BTD: variants seen among roughly 807,000 people sequenced by gnomAD.
BTD encodes biotinidase.
A neutral mutation model predicts 17.7 loss-of-function variants in BTD; 13 were observed. The ratio of observed to expected loss-of-function variants is 0.74; its 90% CI spans 0.48 to 1.17. The LOEUF (loss-of-function observed/expected upper bound fraction) is 1.17, where lower values mean the gene tolerates loss of function less well. Ranked by LOEUF, BTD falls within the 50% of genes most tolerant of loss-of-function variation. The pLI is 0.00. For synonymous variants in BTD, 240 were observed against 245.2 expected, an observed-to-expected ratio of 0.98 and a Z score of 0.20; for missense variants, 674 against 650.4, an observed-to-expected ratio of 1.04 and a Z score of -0.39.
intron 3 of BTD, chr3:15,708,116 T>A: frequency 6.5e-7 from 1 of 1,545,480 alleles, no homozygotes; most frequent in Non-Finnish European, 8.8e-7. Flanking sequence ...ACATAACTAG[T>A]AAACAAAAGC....
In BTD at chr3:15,649,282, C is replaced by G. The variant is rs769176616; in HGVS notation, c.*3794C>G. On this transcript the variant is annotated 3_prime_UTR_variant, in exon 4 of 4. Coordinates refer to ENST00000643237, the MANE Select transcript of BTD (RefSeq NM_001370658.1). The stretch of plus-strand genomic sequence containing the variant: ...CTGGCTTCCCCTGAAGCAAATGATC[C>G]AAGAGAGCACAGGTGGAGCCATGAT... Among the ~76,000 whole-genome samples the G allele has an allele frequency of 6.6e-6, 1 of 152,186 alleles. No homozygotes were observed. Among genetic ancestry groups the G allele is most frequent in the Non-Finnish European group, 1.5e-5 (1 of 68,034 alleles).
At chr3:15,605,188 G>A (rs1362707908) in intron 1 of BTD, among the ~76,000 whole-genome samples, 1 of 152,224 alleles carries the variant, frequency 6.6e-6, no homozygotes, top group East Asian at 1.9e-4. Context: ...AGAAAAAGAG[G>A]TTTAATAGAT....
chr3:15,697,365 G>GT (rs2069771020), intron 3 of BTD: 1 of 152,006 alleles, frequency 6.6e-6, no homozygotes, highest in Admixed American at 6.6e-5. Context: ...ACTACACATT[G>GT]GATACAGTGT....
intron 2 of BTD, among the ~76,000 whole-genome samples, chr3:15,639,702 T>C (rs1218842685): frequency 6.6e-6 from 1 of 152,220 alleles, no homozygotes; most frequent in African/African-American, 2.4e-5. Flanking sequence ...GAGATAATTT[T>C]TCTTTACATG....
Position 15,635,471 on chromosome 3 carries a change from T to C in BTD, c.32T>C (p.Phe11Ser). Residue 11 changes from phenylalanine to serine, a missense_variant, in exon 2 of 4, where the codon TTC becomes TCC. Transcript: ENST00000643237. The surrounding 1 kb of genome is among the most constrained non-coding windows in gnomAD (Gnocchi z 4.1). MSGARSKLAL[F>S]LCGCYVVALG... ...GGAGCCAGAAGTAAGCTTGCTCTTT[T>C]CCTCTGCGGCTGTTACGTGGTTGCC... 1 of 1,614,230 alleles carries C rather than the reference T, an allele frequency of 6.2e-7. No individual in the cohort carries two copies. Among genetic ancestry groups the C allele is most frequent in the Non-Finnish European group, 8.5e-7 (1 of 1,180,036 alleles).
At chr3:15,677,004 AGGTT>A in intron 3 of BTD, 1 of 1,613,318 alleles carries the variant, frequency 6.2e-7, no homozygotes, top group Non-Finnish European at 8.5e-7. Flanking sequence ...TGCATTGATG[AGGTT>A]TCTATCTGTT....
At chr3:15,705,783 C>T (rs2071271534) in intron 3 of BTD, among the ~76,000 whole-genome samples, 1 of 152,174 alleles carries the variant, frequency 6.6e-6, no homozygotes, top group Admixed American at 6.5e-5. Context: ...GGGCGGATCA[C>T]TTAGGTCAGG....
Position 15,649,194 on chromosome 3 carries a change from T to C in BTD, c.*3706T>C, listed in dbSNP as rs1006040991. Among the ~76,000 whole-genome samples, 1 of 152,172 alleles carries C rather than the reference T, an allele frequency of 6.6e-6. No homozygotes were observed. ...GTTGGTGCTGGCTGCTAGCAAAAGG[T>C]CTCAGCTCCTCACCACTTGGGTCTT... On this transcript the variant is annotated 3_prime_UTR_variant, in exon 4 of 4. Transcript: ENST00000643237.
chr3:15,711,145 A>G (rs2072216972), exon 4 of BTD: 1 of 1,333,674 alleles, frequency 7.5e-7, no homozygotes, highest in South Asian at 1.3e-5. Context: ...AAAAGAACAA[A>G]GATAAGAGAA....
At chr3:15,643,038 A>AAAT (rs1553653319) in intron 3 of BTD, among the ~76,000 whole-genome samples, 16 of 137,896 alleles carry the variant, frequency 1.2e-4, no homozygotes, top group African/African-American at 4.4e-4. Context: ...AAAAAAAAAA[A>AAAT]AAAAAATAAA....
downstream of BTD, among the ~76,000 whole-genome samples, chr3:15,715,896 G>A (rs2072950545): frequency 1.3e-5 from 2 of 152,090 alleles, no homozygotes; most frequent in Admixed American, 1.3e-4. Flanking sequence ...GGGCAAAAAA[G>A]CATCTTGGCA....
chr3:15,644,951 G>T lies in BTD; in HGVS notation c.1035G>T (p.Leu345Phe), dbSNP rs768786956. 3 of 1,614,108 alleles carry T rather than the reference G, an allele frequency of 1.9e-6. No homozygotes were observed. Among genetic ancestry groups the T allele is most frequent in the South Asian group, 2.2e-5 (2 of 91,076 alleles). Residue 345 changes from leucine (L) to phenylalanine (F), a missense_variant, in exon 4 of 4, where the codon TTG becomes TTT. Leu to Phe is a conservative substitution (Grantham distance 22). Coordinates refer to ENST00000643237, the MANE Select transcript of BTD (RefSeq NM_001370658.1). ...DPSHSKFLKI[L>F]SGDPYCEKDA... Reference sequence around the variant, plus strand: ...CCCATAGTAAGTTTTTAAAAATTTTGTCAGGCGATCCGTACTGTGAGAAGG... The same window carrying T: ...CCCATAGTAAGTTTTTAAAAATTTTTTCAGGCGATCCGTACTGTGAGAAGG...
In BTD at chr3:15,601,760, A is replaced by G. The variant is rs749033578; in HGVS notation, c.-151A>G. The G allele has an allele frequency of 1.9e-6, 3 of 1,604,268 alleles. No homozygotes were observed. Among genetic ancestry groups the G allele is most frequent in the African/African-American group, 1.3e-5 (1 of 74,992 alleles). On this transcript the variant is annotated 5_prime_UTR_variant, in exon 1 of 4. An upstream start codon of the reference 5' UTR is lost. Coordinates refer to ENST00000643237, the MANE Select transcript of BTD (RefSeq NM_001370658.1). Reference sequence around the variant, plus strand: ...CGGGACTAGCAGGAGATTGCTGCCTATGCAAAGCAGGTAAGAAGCCGAACT... The same window carrying G: ...CGGGACTAGCAGGAGATTGCTGCCTGTGCAAAGCAGGTAAGAAGCCGAACT...
intron 1 of BTD, among the ~76,000 whole-genome samples, chr3:15,633,788 A>G (rs530690172): frequency 2.1e-4 from 32 of 152,352 alleles, no homozygotes; most frequent in African/African-American, 7.0e-4. Context: ...ACTCTCTGTT[A>G]TCATTGTGAA....
rs567220328 is a variant in BTD, at chr3:15,634,989, A to G, written c.-16-435A>G. 2.0e-5 allele frequency among the ~76,000 whole-genome samples: 3 copies of G among 150,032 alleles called. No homozygotes were observed. The East Asian group carries it at 5.9e-4, about 29-fold the overall frequency. ...CTGTGTTATTAGGGTCATGACAATC[A>G]CAGACATTACGGATGGCTGACCTGT... On this transcript the variant is annotated intron_variant, in intron 1 of 3. Coordinates refer to ENST00000643237, the MANE Select transcript of BTD (RefSeq NM_001370658.1).
chr3:15,695,880 A>G (rs1291165392), intron 3 of BTD, among the ~76,000 whole-genome samples: 1 of 152,136 alleles, frequency 6.6e-6, no homozygotes, highest in Non-Finnish European at 1.5e-5. Context: ...AAGGGGCAGG[A>G]GAAGTAAATA....
chr3:15,670,134 C>T, intron 3 of BTD: 1 of 960,788 alleles, frequency 1.0e-6, no homozygotes, highest in Non-Finnish European at 1.5e-6. Flanking sequence ...CTCCTAATGC[C>T]ATCAGATCTC....
At chr3:15,722,331 A>G (rs2073818545), downstream of BTD, among the ~76,000 whole-genome samples, 1 of 152,208 alleles carries the variant, frequency 6.6e-6, no homozygotes, top group Non-Finnish European at 1.5e-5. Context: ...CTTGTTGGAA[A>G]TACTTCATTC....
At chr3:15,671,155 G>C (rs984261968) in intron 3 of BTD, among the ~76,000 whole-genome samples, 2 of 152,126 alleles carry the variant, frequency 1.3e-5, no homozygotes, top group Admixed American at 6.6e-5. Flanking sequence ...CTAAGCAGAT[G>C]AACTTTAAAA....
Sources: gnomAD v4.1 joint callset for allele counts (sites outside exome capture counted in the v4.1 genomes callset) on GRCh38, gnomAD v4.1.1 for gene constraint, Gnocchi (gnomAD v3.1) non-coding constraint, MANE v1.5 for transcripts, NCBI Gene and HGNC (gene_info 2026-07-23, HGNC 2026-07-21) for gene names.